RPGRIP1L: variants seen among roughly 807,000 people sequenced by gnomAD.
The protein encoded by RPGRIP1L is RPGRIP1 like, also known as protein fantom.
Under a neutral mutation model 160.4 loss-of-function variants are expected in RPGRIP1L, and 131 were observed. The observed-to-expected ratio is 0.82, with a 90% CI of 0.71 to 0.94. The LOEUF (loss-of-function observed/expected upper bound fraction) is 0.94, where lower values mean the gene tolerates loss of function less well. Ranked by LOEUF, RPGRIP1L falls within the 40% of genes least tolerant of loss-of-function variation. The pLI is 0.00. For missense variants in RPGRIP1L, 1,522 were observed against 1,535.8 expected (o/e 0.99, Z 0.15); for synonymous variants, 510 against 515.8 (o/e 0.99, Z 0.15).
In RPGRIP1L at chr16:53,649,197, T is replaced by C. The variant is rs1468912435; in HGVS notation, c.2153-82A>G. The C allele has an allele frequency of 1.8e-5, 21 of 1,165,886 alleles. No homozygotes were observed. In the Admixed American group the frequency reaches 2.1e-4, roughly 11 times the overall value. 72.2% of individuals were successfully genotyped at this position (1,165,886 alleles called of 1,614,324 possible). On this transcript the variant is annotated intron_variant, in intron 15 of 26. Coordinates refer to ENST00000647211, the MANE Select transcript of RPGRIP1L (RefSeq NM_015272.5). ...CAGTAAAAATACATCAATGGCATTATGCATTAAAACTATACATTTTATGCT... is the reference window on the plus strand; with the variant it reads ...CAGTAAAAATACATCAATGGCATTACGCATTAAAACTATACATTTTATGCT...
chr16:53,681,985 T>C (rs1414166364), intron 6 of RPGRIP1L, among the ~76,000 whole-genome samples: 2 of 152,226 alleles, frequency 1.3e-5, no homozygotes, highest in Non-Finnish European at 2.9e-5. Context: ...CCAAGTTTTA[T>C]ATTCTCCCTA....
At chr16:53,635,608 A>C (rs1041123246) in intron 22 of RPGRIP1L, 1 of 152,230 alleles carries the variant, frequency 6.6e-6, no homozygotes, top group Non-Finnish European at 1.5e-5. Flanking sequence ...TTCAGGTGTG[A>C]AGCACTGTGC....
At chr16:53,697,062 C>T (rs932331000) in intron 2 of RPGRIP1L, among the ~76,000 whole-genome samples, 8 of 151,956 alleles carry the variant, frequency 5.3e-5, no homozygotes, top group Non-Finnish European at 7.4e-5. Flanking sequence ...GGCATGGTGG[C>T]GGACACCTGT....
chr16:53,612,489 ATTTT>A (rs56935715), intron 24 of RPGRIP1L, among the ~76,000 whole-genome samples: 2 of 131,570 alleles, frequency 1.5e-5, no homozygotes, highest in Non-Finnish European at 3.3e-5. Flanking sequence ...TCCAAATGGG[ATTTT>A]TTTTTTTTTT....
At chr16:53,645,279 C>T (rs1966468319) in intron 17 of RPGRIP1L, among the ~76,000 whole-genome samples, 1 of 151,572 alleles carries the variant, frequency 6.6e-6, no homozygotes, top group African/African-American at 2.4e-5. Context: ...GTATATAATA[C>T]ATAGAGATGC....
intron 22 of RPGRIP1L, among the ~76,000 whole-genome samples, chr16:53,623,088 G>A (rs1964845447): frequency 6.6e-6 from 1 of 152,184 alleles, no homozygotes; most frequent in Admixed American, 6.5e-5. Context: ...TGTTTTAACT[G>A]TTGGGGAGAT....
intron 25 of RPGRIP1L, among the ~76,000 whole-genome samples, chr16:53,610,470 T>C (rs1963958460): frequency 6.6e-6 from 1 of 152,214 alleles, no homozygotes; most frequent in Admixed American, 6.5e-5. Context: ...ATGTGTCAGG[T>C]ACTATACTAT....
intron 4 of RPGRIP1L, 81 bp downstream of exon 4, chr16:53,691,985 C>A (rs1326758605): frequency 7.5e-7 from 1 of 1,338,956 alleles, no homozygotes; most frequent in Non-Finnish European, 1.1e-6. Context: ...ATGCGTAATA[C>A]AGAAGTAAAA....
rs564455571 is a variant in RPGRIP1L at position 53,671,502 on chromosome 16, C to T, written c.1103+8G>A. 7.1e-6 allele frequency: 11 copies of T among 1,548,056 alleles called. No homozygotes were observed. The highest frequency in any genetic ancestry group is 2.7e-5 in the African/African-American group (2 of 73,754). ...GACAATGAAAGAACACATGGAATCACGATTTACCTGTCATAAAGTTTATCA... is the reference window on the plus strand; with the variant it reads ...GACAATGAAAGAACACATGGAATCATGATTTACCTGTCATAAAGTTTATCA... On this transcript the variant is annotated splice_region_variant and intron_variant, in intron 9 of 26. Transcript: ENST00000647211.
chr16:53,696,531 CCATTCAAAAATG>C (rs1312940510), intron 2 of RPGRIP1L, among the ~76,000 whole-genome samples: 2 of 152,072 alleles, frequency 1.3e-5, no homozygotes, highest in Admixed American at 1.3e-4. Context: ...ACAATAGTAT[CCATTCAAAAATG>C]TATTCAAGTG....
chr16:53,700,467 G>A (rs1174711740), intron 2 of RPGRIP1L, among the ~76,000 whole-genome samples, 172 bp downstream of exon 2: 1 of 152,188 alleles, frequency 6.6e-6, no homozygotes, highest in African/African-American at 2.4e-5. Flanking sequence ...GATAACTGAT[G>A]CATGTAGTAA....
chr16:53,603,460 C>G (rs1325764798), intron 26 of RPGRIP1L, among the ~76,000 whole-genome samples: 1 of 152,140 alleles, frequency 6.6e-6, no homozygotes, highest in East Asian at 1.9e-4. Flanking sequence ...TCCTGAGTAG[C>G]TGGGACTACA....
intron 22 of RPGRIP1L, 147 bp from the exon 23 acceptor site, chr16:53,622,503 G>A (rs963990992): frequency 4.5e-6 from 2 of 444,866 alleles, no homozygotes; most frequent in Non-Finnish European, 8.0e-6. Flanking sequence ...TATCTCAGCC[G>A]ATGACATCAC....
chr16:53,602,811 G>C (rs1301516334), intron 26 of RPGRIP1L, among the ~76,000 whole-genome samples: 1 of 151,872 alleles, frequency 6.6e-6, no homozygotes, highest in Non-Finnish European at 1.5e-5. Flanking sequence ...CTAGTAAGGA[G>C]TAAGTCTAAA....
At chr16:53,645,516 G>A (rs1212764071) in intron 17 of RPGRIP1L, 109 bp downstream of exon 17, 11 of 1,008,456 alleles carry the variant, frequency 1.1e-5, no homozygotes, top group Non-Finnish European at 1.4e-5. Context: ...AAAGTTTAAA[G>A]ACTGAGAAGA....
Position 53,657,481 on chromosome 16 carries a change from A to C in RPGRIP1L, c.1553T>G (p.Met518Arg). 1 of 1,612,628 alleles carries C rather than the reference A, an allele frequency of 6.2e-7. No homozygotes were observed. Among genetic ancestry groups the C allele is most frequent in the Non-Finnish European group, 8.5e-7 (1 of 1,179,174 alleles). Residue 518 changes from methionine (M) to arginine (R), a missense_variant, in exon 13 of 27, where the codon ATG becomes AGG. Coordinates refer to ENST00000647211, the MANE Select transcript of RPGRIP1L (RefSeq NM_015272.5). ...ELEKTRNMLI[M>R]QHKINKDYQM... ...ATAATCTTTATTAATTTTGTGTTGC[A>C]TAATTAGCATGTTTCTTGTCTTTTC...
intron 2 of RPGRIP1L, among the ~76,000 whole-genome samples, chr16:53,698,256 G>A (rs188128403): frequency 0.15 from 22,825 of 148,564 alleles, 649 homozygotes; most frequent in Middle Eastern, 0.19. Flanking sequence ...CAGCCGACCC[G>A]TCCGGGAGGG....
chr16:53,638,378 T>C lies in RPGRIP1L; in HGVS notation c.2992A>G (p.Ile998Val), dbSNP rs776313021. The change falls in exon 20 of 27, where the codon ATT (isoleucine) becomes GTT (valine). Residue 998 changes from isoleucine to valine, a missense_variant. Physicochemically the swap from Ile to Val is conservative, Grantham distance 29. Transcript: ENST00000647211. ...GGTATATGCTCTACCTCTGGTGAAATTTCCTTCCTATCTTCAGGAGGAGGA... is the reference window on the plus strand; with the variant it reads ...GGTATATGCTCTACCTCTGGTGAAACTTCCTTCCTATCTTCAGGAGGAGGA... ...TSPPPEDRKE[I>V]SPEVEHIPEI... 3.8e-6 allele frequency: 6 copies of C among 1,594,862 alleles called. No individual in the cohort carries two copies. In the Admixed American group the frequency reaches 5.0e-5, roughly 13 times the overall value.
At chr16:53,634,051 C>T (rs973731618) in intron 22 of RPGRIP1L, among the ~76,000 whole-genome samples, 1 of 152,058 alleles carries the variant, frequency 6.6e-6, no homozygotes, top group Non-Finnish European at 1.5e-5. Flanking sequence ...CTGGGAAGTC[C>T]AAGATCAAGG....
Sources: allele counts gnomAD v4.1 joint callset (sites outside exome capture counted in the v4.1 genomes callset), GRCh38; gene constraint gnomAD v4.1.1; transcripts MANE v1.5; gene names NCBI Gene and HGNC (gene_info 2026-07-23, HGNC 2026-07-21).